The following MDGA2 variants were observed in gnomAD, a reference collection of about 807,000 sequenced individuals.
MDGA2 encodes MAM domain containing glycosylphosphatidylinositol anchor 2.
In MDGA2, 40 loss-of-function variants were observed where a neutral mutation model predicts 117.8. That is an observed-to-expected ratio of 0.34 (90% CI 0.26 to 0.44). The LOEUF is 0.44. Ranked by LOEUF, MDGA2 falls within the 20% of genes least tolerant of loss-of-function variation. The pLI, the probability that MDGA2 is intolerant of heterozygous loss-of-function variation, is 1.00. For missense variants in MDGA2, 1,123 were observed against 1,250.6 expected, an observed-to-expected ratio of 0.90 and a Z score of 1.54; for synonymous variants, 452 against 439.0, an observed-to-expected ratio of 1.03 and a Z score of -0.37.
At chr14:47,440,674 TTCTGTAGGC>T (rs1383855799) in intron 1 of MDGA2, among the ~76,000 whole-genome samples, 1 of 19,356 alleles carries the variant, frequency 5.2e-5, no homozygotes, top group African/African-American at 2.4e-4. Context: ...ATTCTACACT[TTCTGTAGGC>T]TTCTGTAGGC....
At chr14:47,302,183 A>G (rs1249515026) in intron 1 of MDGA2, among the ~76,000 whole-genome samples, 1 of 152,200 alleles carries the variant, frequency 6.6e-6, no homozygotes, top group Non-Finnish European at 1.5e-5. Flanking sequence ...CTTCATTAGC[A>G]TAAAGCTGCC....
At chr14:47,120,055 AGACAC>A (rs1358918358) in intron 5 of MDGA2, among the ~76,000 whole-genome samples, 3 of 152,230 alleles carry the variant, frequency 2.0e-5, no homozygotes, top group African/African-American at 7.2e-5. Context: ...TTTTCTAAAA[AGACAC>A]TACACTACCC....
intron 1 of MDGA2, among the ~76,000 whole-genome samples, chr14:47,318,477 A>T (rs1889876204): frequency 6.6e-6 from 1 of 152,088 alleles, no homozygotes; most frequent in Admixed American, 6.6e-5. Flanking sequence ...CCTGTGAACA[A>T]ATCCAATCAT....
intron 6 of MDGA2, among the ~76,000 whole-genome samples, chr14:47,071,570 A>G (rs1555349408): frequency 6.6e-6 from 1 of 151,850 alleles, no homozygotes; most frequent in South Asian, 2.1e-4. Flanking sequence ...TCTCTTTTTA[A>G]TGAGAAAATT....
chr14:47,196,461 AT>A (rs1357024876), intron 3 of MDGA2, among the ~76,000 whole-genome samples: 1 of 152,162 alleles, frequency 6.6e-6, no homozygotes, highest in Non-Finnish European at 1.5e-5. Context: ...TCCTAAGCGT[AT>A]ACTTTTTGCA....
chr14:47,515,869 C>T (rs1223683648), intron 1 of MDGA2, among the ~76,000 whole-genome samples: 1 of 152,142 alleles, frequency 6.6e-6, no homozygotes, highest in Admixed American at 6.5e-5. Flanking sequence ...TTCTCATCTG[C>T]AAATAGTACA....
chr14:47,227,416 A>C (rs1443050545), intron 2 of MDGA2, among the ~76,000 whole-genome samples: 1 of 152,170 alleles, frequency 6.6e-6, no homozygotes, highest in Non-Finnish European at 1.5e-5. Context: ...GTGAAACCAC[A>C]TCCTGGCTCA....
At chr14:47,095,692 C>G (rs1328191851) in intron 6 of MDGA2, among the ~76,000 whole-genome samples, 2 of 151,804 alleles carry the variant, frequency 1.3e-5, no homozygotes, top group African/African-American at 2.4e-5. Context: ...AGATGGTACG[C>G]TATTCATAGT....
chr14:47,209,943 C>G (rs1885821820), intron 3 of MDGA2, among the ~76,000 whole-genome samples: 1 of 152,096 alleles, frequency 6.6e-6, no homozygotes, highest in South Asian at 2.1e-4. Context: ...GGATTGTTTT[C>G]TTTCCAGGGT....
chr14:47,125,523 G>A (rs1400736428), intron 5 of MDGA2, among the ~76,000 whole-genome samples: 7 of 151,216 alleles, frequency 4.6e-5, no homozygotes, highest in East Asian at 1.9e-4. Context: ...AAACAAAGAC[G>A]TTTCTTGACC....
chr14:47,592,070 A>T (rs1594933646), intron 1 of MDGA2, among the ~76,000 whole-genome samples: 5 of 152,312 alleles, frequency 3.3e-5, no homozygotes, highest in Admixed American at 3.3e-4. Flanking sequence ...GATGTGCAAA[A>T]ATCACAAGTA....
chr14:47,566,680 C>A (rs552573805), intron 1 of MDGA2, among the ~76,000 whole-genome samples: 16 of 152,210 alleles, frequency 1.1e-4, no homozygotes, highest in African/African-American at 3.9e-4. Flanking sequence ...CTGCTTAACA[C>A]ACTCATTCCC....
intron 14 of MDGA2, among the ~76,000 whole-genome samples, chr14:46,867,187 A>C (rs573916730): frequency 2.6e-5 from 4 of 152,342 alleles, no homozygotes; most frequent in African/African-American, 7.2e-5. Flanking sequence ...TGTGGCACAC[A>C]TACACCATGG....
chr14:47,286,026 GT>G (rs957006781), intron 2 of MDGA2, among the ~76,000 whole-genome samples: 47 of 152,002 alleles, frequency 3.1e-4, no homozygotes, highest in African/African-American at 1.1e-3. Context: ...CCTATATTGT[GT>G]GTCTGTGTGT....
At chr14:47,523,455 G>A (rs1463073793) in intron 1 of MDGA2, among the ~76,000 whole-genome samples, 4 of 152,064 alleles carry the variant, frequency 2.6e-5, no homozygotes, top group Admixed American at 1.3e-4. Flanking sequence ...GTGTTAGTAT[G>A]CTTTTAGCAA....
chr14:47,406,326 AAAC>A (rs1234969313), intron 1 of MDGA2, among the ~76,000 whole-genome samples: 1 of 152,094 alleles, frequency 6.6e-6, no homozygotes, highest in Non-Finnish European at 1.5e-5. Flanking sequence ...AAAATTATAA[AAAC>A]AATACAAATT....
At chr14:47,152,306 A>AT (rs1229184421) in intron 3 of MDGA2, among the ~76,000 whole-genome samples, 2 of 152,082 alleles carry the variant, frequency 1.3e-5, no homozygotes, top group African/African-American at 4.8e-5. Context: ...ACTTTGCAAT[A>AT]TTTTTTTGAG....
chr14:46,927,476 T>C (rs1884375753), intron 9 of MDGA2, among the ~76,000 whole-genome samples: 1 of 152,160 alleles, frequency 6.6e-6, no homozygotes, highest in South Asian at 2.1e-4. Flanking sequence ...TTAAGATGAA[T>C]GTCATAGCAG....
At chr14:47,505,139 G>C (rs1894484371) in intron 1 of MDGA2, among the ~76,000 whole-genome samples, 2 of 152,102 alleles carry the variant, frequency 1.3e-5, no homozygotes, top group Admixed American at 1.3e-4. Context: ...CTCATATGTG[G>C]AATCTTTAAA....
Sources: allele counts gnomAD v4.1 joint callset (sites outside exome capture counted in the v4.1 genomes callset), GRCh38; gene constraint gnomAD v4.1.1; transcripts MANE v1.5; gene names NCBI Gene and HGNC (gene_info 2026-07-23, HGNC 2026-07-21).